Variants in EMCN observed in about 807,000 individuals in gnomAD.
The protein encoded by EMCN is MUC-14.
In EMCN, 37 loss-of-function variants were observed where a neutral mutation model predicts 38.4. The ratio of observed to expected loss-of-function variants is 0.96; its 90% CI spans 0.74 to 1.27. The LOEUF is 1.27. Ranked by LOEUF, EMCN falls within the 50% of genes most tolerant of loss-of-function variation. The probability of loss-of-function intolerance (pLI) is 0.00; values close to 1 mark genes in which losing one functional copy is unlikely to be tolerated. For missense variants in EMCN, 318 were observed against 302.8 expected, an observed-to-expected ratio of 1.05 and a Z score of -0.37; for synonymous variants, 95 against 100.8, an observed-to-expected ratio of 0.94 and a Z score of 0.35.
intron 1 of EMCN, among the ~76,000 whole-genome samples, chr4:100,502,095 TG>T (rs1245521860): frequency 6.6e-6 from 1 of 152,170 alleles, no homozygotes; most frequent in Non-Finnish European, 1.5e-5. Context: ...CAGGATGCAG[TG>T]GGCTTAATAG....
Position 100,475,085 on chromosome 4 carries a change from T to C in EMCN, c.212A>G (p.Lys71Arg). Residue 71 changes from lysine to arginine, a missense_variant, in exon 3 of 12, where the codon AAA becomes AGA. Coordinates refer to ENST00000296420, the MANE Select transcript of EMCN (RefSeq NM_016242.4). ...AGTAGCTGTTGACATCAGAGACATT[T>C]TAAGTAATTCATTGGTGATTGTTCC... is the stretch of plus-strand genomic sequence containing the variant. ...PKGTITNELL[K>R]MSLMSTATFL... The C allele has an allele frequency of 3.9e-6, 6 of 1,534,468 alleles. No homozygotes were observed. The highest frequency in any genetic ancestry group is 4.4e-6 in the Non-Finnish European group (5 of 1,126,492).
intron 5 of EMCN, among the ~76,000 whole-genome samples, chr4:100,428,233 T>C (rs1260663858): frequency 2.6e-5 from 4 of 152,180 alleles, no homozygotes; most frequent in Admixed American, 1.3e-4. Context: ...ACTTGCTTAA[T>C]GCTGTCCTTT....
chr4:100,491,701 G>A (rs555085895), intron 1 of EMCN, among the ~76,000 whole-genome samples: 5 of 152,338 alleles, frequency 3.3e-5, no homozygotes, highest in African/African-American at 9.6e-5. Flanking sequence ...GGTGGTTGCA[G>A]TGCCTATCCA....
intron 4 of EMCN, among the ~76,000 whole-genome samples, chr4:100,457,750 C>G (rs369253391): frequency 6.6e-6 from 1 of 152,240 alleles, no homozygotes; most frequent in East Asian, 1.9e-4. Flanking sequence ...GAATATCAGT[C>G]TGCAGTGTTC....
chr4:100,405,129 T>C (rs1171544833), intron 11 of EMCN, among the ~76,000 whole-genome samples: 8 of 152,082 alleles, frequency 5.3e-5, no homozygotes, highest in African/African-American at 1.9e-4. Flanking sequence ...GACTATGGGG[T>C]TTTCTAGGTA....
chr4:100,505,059 C>T (rs1020427297), intron 1 of EMCN, among the ~76,000 whole-genome samples: 33 of 152,338 alleles, frequency 2.2e-4, no homozygotes, highest in Admixed American at 1.6e-3. Flanking sequence ...TTCTCTGCTT[C>T]GGCTGCCAGG....
chr4:100,510,234 C>G (rs952919851), intron 1 of EMCN, among the ~76,000 whole-genome samples: 1 of 152,062 alleles, frequency 6.6e-6, no homozygotes, highest in African/African-American at 2.4e-5. Context: ...AATACAAACA[C>G]AATTTTGCTT....
At chr4:100,399,212 A>T (rs542983966) in intron 11 of EMCN, among the ~76,000 whole-genome samples, 1 of 152,336 alleles carries the variant, frequency 6.6e-6, no homozygotes, top group Non-Finnish European at 1.5e-5. Context: ...GGTCTATAAA[A>T]GAGCAAGAGA....
In EMCN at chr4:100,396,362, C is replaced by T. The variant is rs1291771951; in HGVS notation, c.*2051G>A. The T allele has an allele frequency of 6.6e-6, 1 of 151,974 alleles. No individual in the cohort carries two copies. Among genetic ancestry groups the T allele is most frequent in the East Asian group, 1.9e-4 (1 of 5,184 alleles). 9.4% of individuals were successfully genotyped at this position (151,974 alleles called of 1,614,324 possible). On this transcript the variant is annotated 3_prime_UTR_variant, in exon 12 of 12. Coordinates refer to ENST00000296420, the MANE Select transcript of EMCN (RefSeq NM_016242.4). ...CTAATTCTTGTAAACTCTTTTCTAA[C>T]CATGCTCATGAAATGTAGAGAAAAT...
chr4:100,490,659 G>C (rs1452443758), intron 1 of EMCN, among the ~76,000 whole-genome samples: 1 of 152,148 alleles, frequency 6.6e-6, no homozygotes, highest in Non-Finnish European at 1.5e-5. Flanking sequence ...TTTAGCCTAA[G>C]AGCAAGAGGT....
intron 4 of EMCN, among the ~76,000 whole-genome samples, chr4:100,457,900 T>A (rs914246740): frequency 6.6e-6 from 1 of 152,048 alleles, no homozygotes; most frequent in African/African-American, 2.4e-5. Context: ...GGGTGGATCA[T>A]GAGATCAGGA....
intron 1 of EMCN, among the ~76,000 whole-genome samples, chr4:100,491,577 G>A (rs1222540313): frequency 6.6e-6 from 1 of 152,174 alleles, no homozygotes; most frequent in African/African-American, 2.4e-5. Flanking sequence ...CATCCATCCT[G>A]ATCAGCAACT....
intron 11 of EMCN, among the ~76,000 whole-genome samples, chr4:100,402,696 G>A (rs1202298463): frequency 6.6e-6 from 1 of 152,162 alleles, no homozygotes; most frequent in Admixed American, 6.6e-5. Context: ...GGAATCTGAG[G>A]CTAGGAATAT....
intron 8 of EMCN, 111 bp from the exon 9 acceptor site, chr4:100,417,252 G>A: frequency 1.1e-6 from 1 of 940,718 alleles, no homozygotes. Flanking sequence ...ATGCAGAGAT[G>A]TTTCTAAGTC....
chr4:100,513,494 T>C (rs1000950330), intron 1 of EMCN, among the ~76,000 whole-genome samples: 2 of 152,212 alleles, frequency 1.3e-5, no homozygotes, highest in Non-Finnish European at 2.9e-5. Flanking sequence ...TGGTTGAGAA[T>C]AAGGTAGCTC....
intron 8 of EMCN, 48 bp downstream of exon 8, chr4:100,421,234 A>T: frequency 7.0e-7 from 1 of 1,437,612 alleles, no homozygotes; most frequent in Non-Finnish European, 9.8e-7. Context: ...GTTTAAACTG[A>T]GCATTCATTC....
chr4:100,495,203 A>G (rs990113914), intron 1 of EMCN, among the ~76,000 whole-genome samples: 2 of 152,026 alleles, frequency 1.3e-5, no homozygotes, highest in African/African-American at 2.4e-5. Flanking sequence ...TACCTAGATG[A>G]TATTTGAGTT....
chr4:100,450,510 A>T (rs1174521912), intron 4 of EMCN, among the ~76,000 whole-genome samples: 1 of 151,972 alleles, frequency 6.6e-6, no homozygotes, highest in Non-Finnish European at 1.5e-5. Context: ...GGTACAAGAG[A>T]AAAATATATA....
rs1234019832 is a variant in EMCN at position 100,406,693 on chromosome 4, G to A, written c.*39+3589C>T. On this transcript the variant is annotated intron_variant, in intron 11 of 11. Transcript: ENST00000296420. ...GTATGTGTCATGCATGGATGAGAAG[G>A]ATTTATATTCTGCTTTTGTTGAGTG... Among the ~76,000 whole-genome samples the A allele has an allele frequency of 2.0e-5, 3 of 152,090 alleles. No individual in the cohort carries two copies. In the East Asian group the frequency reaches 5.8e-4, roughly 29 times the overall value.
Sources: gnomAD v4.1 joint callset for allele counts (sites outside exome capture counted in the v4.1 genomes callset) on GRCh38, gnomAD v4.1.1 for gene constraint, MANE v1.5 for transcripts, NCBI Gene and HGNC (gene_info 2026-07-23, HGNC 2026-07-21) for gene names.